Variants in UGT1A10 observed in about 807,000 individuals in gnomAD.
The protein encoded by UGT1A10 is UDP-glucuronosyltransferase 1A10.
A neutral mutation model predicts 45.8 loss-of-function variants in UGT1A10; 49 were observed. That is an observed-to-expected ratio of 1.07 (90% CI 0.85 to 1.36). The LOEUF (loss-of-function observed/expected upper bound fraction) is 1.36, where lower values mean the gene tolerates loss of function less well. Ranked by LOEUF, UGT1A10 falls within the 40% of genes most tolerant of loss-of-function variation. The probability of loss-of-function intolerance (pLI) is 0.00; values close to 1 mark genes in which losing one functional copy is unlikely to be tolerated. For synonymous variants in UGT1A10, 284 were observed against 249.7 expected, an observed-to-expected ratio of 1.14 and a Z score of -1.29; for missense variants, 745 against 668.6, an observed-to-expected ratio of 1.11 and a Z score of -1.26.
At chr2:233,650,606 C>A (rs140736768) in intron 1 of UGT1A10, among the ~76,000 whole-genome samples, 2 of 152,112 alleles carry the variant, frequency 1.3e-5, no homozygotes, top group African/African-American at 4.8e-5. Flanking sequence ...TTCTTTTGAC[C>A]ATTTTTCCCA....
chr2:233,734,271 G>A (rs1203076441), intron 1 of UGT1A10, among the ~76,000 whole-genome samples: 2 of 152,098 alleles, frequency 1.3e-5, no homozygotes, highest in Admixed American at 1.3e-4. Context: ...ATGTGTCCAG[G>A]AATTTATCCA....
At chr2:233,691,077 T>C in intron 1 of UGT1A10, 1 of 986,126 alleles carries the variant, frequency 1.0e-6, no homozygotes, top group Non-Finnish European at 1.2e-6. Flanking sequence ...GAATGTGAAG[T>C]TTGTAGCATC....
chr2:233,698,999 G>GT (rs1162010332), intron 1 of UGT1A10, among the ~76,000 whole-genome samples: 1 of 152,212 alleles, frequency 6.6e-6, no homozygotes, highest in East Asian at 1.9e-4. Flanking sequence ...GATTCCTGCT[G>GT]TAAGAACATG....
At chr2:233,643,706 G>A (rs558882956) in intron 1 of UGT1A10, among the ~76,000 whole-genome samples, 36 of 152,258 alleles carry the variant, frequency 2.4e-4, no homozygotes, top group African/African-American at 7.0e-4. Context: ...GGCCCTTGAC[G>A]TAGTACGAGG....
chr2:233,649,093 G>A (rs1294190283), intron 1 of UGT1A10: 22 of 843,322 alleles, frequency 2.6e-5, no homozygotes, highest in Admixed American at 1.8e-4. Context: ...GATTCCTTAC[G>A]GAACTGGGAT....
chr2:233,755,374 C>T (rs1205727870), intron 1 of UGT1A10: 2 of 355,400 alleles, frequency 5.6e-6, no homozygotes, highest in East Asian at 1.5e-4. Flanking sequence ...CCTGGAGGGC[C>T]GCCCCTTATG....
At chr2:233,666,162 G>A (rs2074071928) in intron 1 of UGT1A10, among the ~76,000 whole-genome samples, 1 of 152,172 alleles carries the variant, frequency 6.6e-6, no homozygotes, top group South Asian at 2.1e-4. Context: ...AGAAAAAGGA[G>A]GCAGGTGCCA....
rs2075671256 is a variant in UGT1A10 at position 233,702,138 on chromosome 2, A to T, written c.855+64761A>T. Reference sequence around the variant, plus strand: ...CTTAGAACATTTTCAGTCACTCCCAAAGATACCTTATATCTATTATCAGTC... The same window carrying T: ...CTTAGAACATTTTCAGTCACTCCCATAGATACCTTATATCTATTATCAGTC... On this transcript the variant is annotated intron_variant, in intron 1 of 4. Transcript: ENST00000344644. Among the ~76,000 whole-genome samples the T allele has an allele frequency of 2.0e-5, 3 of 152,126 alleles. No homozygotes were observed. In the South Asian group the frequency reaches 6.2e-4, roughly 32 times the overall value.
chr2:233,727,581 A>G (rs748727287), intron 1 of UGT1A10, among the ~76,000 whole-genome samples: 1 of 152,154 alleles, frequency 6.6e-6, no homozygotes, highest in African/African-American at 2.4e-5. Context: ...TAGGAAGCAT[A>G]TAGTTTTAAG....
intron 3 of UGT1A10, 135 bp downstream of exon 3, chr2:233,768,071 G>C: frequency 6.3e-7 from 1 of 1,595,002 alleles, no homozygotes; most frequent in Admixed American, 1.8e-5. Context: ...TTTATCTAGT[G>C]GGGTATCTCA....
intron 1 of UGT1A10, among the ~76,000 whole-genome samples, chr2:233,675,530 C>A (rs903544612): frequency 7.9e-5 from 12 of 152,106 alleles, no homozygotes; most frequent in Non-Finnish European, 1.8e-4. Context: ...GTGCTTCCCC[C>A]CTTGCTGTAA....
intron 1 of UGT1A10, chr2:233,743,509 G>T: frequency 7.3e-7 from 1 of 1,367,170 alleles, no homozygotes; most frequent in Non-Finnish European, 9.8e-7. Context: ...GGGTGCAGAC[G>T]CTCTGCTTCT....
At position 233,690,407 on chromosome 2, in the gene UGT1A10, T is replaced by C. The variant is rs562981607; in HGVS notation, c.855+53030T>C. The C allele has an allele frequency of 2.3e-4, 269 of 1,195,420 alleles. 5 individuals are homozygous for C. In the South Asian group the frequency reaches 3.5e-3, roughly 16 times the overall value. The allele number at this position is 1,195,420 out of a possible 1,614,324, so 74.1% of individuals were successfully genotyped here. On this transcript the variant is annotated intron_variant, in intron 1 of 4. Coordinates refer to ENST00000344644, the MANE Select transcript of UGT1A10 (RefSeq NM_019075.4). Reference sequence around the variant, plus strand: ...TTTCCAGACCTTCCTATTCCCAACATGAAATTACCTTCATGCACATCTTTG... The same window carrying C: ...TTTCCAGACCTTCCTATTCCCAACACGAAATTACCTTCATGCACATCTTTG...
chr2:233,649,958 T>G (rs981978526), intron 1 of UGT1A10, among the ~76,000 whole-genome samples: 1 of 152,130 alleles, frequency 6.6e-6, no homozygotes, highest in African/African-American at 2.4e-5. Flanking sequence ...GAAGAGATAC[T>G]TCAAGGTTTT....
At chr2:233,647,467 C>T (rs1473985089) in intron 1 of UGT1A10, among the ~76,000 whole-genome samples, 1 of 152,152 alleles carries the variant, frequency 6.6e-6, no homozygotes, top group East Asian at 1.9e-4. Context: ...GGTATTATTT[C>T]TTCCTTCAGT....
At chr2:233,691,063 T>C (rs1196831628) in intron 1 of UGT1A10, 1 of 986,786 alleles carries the variant, frequency 1.0e-6, no homozygotes, top group Non-Finnish European at 1.2e-6. Flanking sequence ...AGGTCTAGTA[T>C]AAAGAATGTG....
intron 1 of UGT1A10, 98 bp from the exon 2 acceptor site, chr2:233,766,936 A>G: frequency 1.1e-5 from 18 of 1,586,086 alleles, no homozygotes; most frequent in Non-Finnish European, 1.5e-5. Context: ...GCCTTTAATC[A>G]TAGTCTTAAG....
intron 1 of UGT1A10, among the ~76,000 whole-genome samples, chr2:233,651,435 G>T (rs2073739099): frequency 6.6e-6 from 1 of 152,064 alleles, no homozygotes; most frequent in Admixed American, 6.5e-5. Flanking sequence ...AAAAATACAT[G>T]TTTTTTTGTA....
At chr2:233,772,118 A>G (rs186997429) in intron 4 of UGT1A10, 144 bp from the exon 5 acceptor site, 177 of 1,520,864 alleles carry the variant, frequency 1.2e-4, no homozygotes, top group Non-Finnish European at 1.4e-4. Flanking sequence ...GTATCTAAAA[A>G]CAACAACAAC....
Sources: allele counts gnomAD v4.1 joint callset (sites outside exome capture counted in the v4.1 genomes callset), GRCh38; gene constraint gnomAD v4.1.1; transcripts MANE v1.5; gene names NCBI Gene and HGNC (gene_info 2026-07-23, HGNC 2026-07-21).